Variants in FMN1 observed in about 807,000 individuals in gnomAD.
The protein encoded by FMN1 is formin 1.
A neutral mutation model predicts 132.4 loss-of-function variants in FMN1; 110 were observed. That is an observed-to-expected ratio of 0.83 (90% CI 0.71 to 0.97). The LOEUF (loss-of-function observed/expected upper bound fraction) is 0.97. Ranked by LOEUF, FMN1 falls within the 50% of genes least tolerant of loss-of-function variation. The pLI is 0.00. For synonymous variants in FMN1, 722 were observed against 651.7 expected (o/e 1.11, Z -1.64); for missense variants, 1,792 against 1,705.3 (o/e 1.05, Z -0.90).
At chr15:32,855,838 A>G (rs2059118297) in intron 17 of FMN1, among the ~76,000 whole-genome samples, 1 of 152,228 alleles carries the variant, frequency 6.6e-6, no homozygotes, top group Non-Finnish European at 1.5e-5. Context: ...TTATACAGCA[A>G]TGCATTTTTT....
intron 5 of FMN1, among the ~76,000 whole-genome samples, chr15:33,074,386 C>T (rs1205063718): frequency 6.6e-6 from 1 of 152,224 alleles, no homozygotes; most frequent in Non-Finnish European, 1.5e-5. Flanking sequence ...CAATGCAACG[C>T]TTACAACAGC....
chr15:32,853,302 C>T (rs1274608869), intron 17 of FMN1, among the ~76,000 whole-genome samples: 1 of 152,100 alleles, frequency 6.6e-6, no homozygotes, highest in African/African-American at 2.4e-5. Context: ...AATTATAGTA[C>T]CACATTACAC....
At chr15:32,839,043 T>C (rs944169156) in intron 17 of FMN1, among the ~76,000 whole-genome samples, 3 of 152,028 alleles carry the variant, frequency 2.0e-5, no homozygotes, top group Admixed American at 6.6e-5. Context: ...AACAGTTCAT[T>C]TCCCTTGAAA....
chr15:32,863,531 G>A (rs1403033572), intron 16 of FMN1, among the ~76,000 whole-genome samples: 2 of 152,078 alleles, frequency 1.3e-5, no homozygotes, highest in African/African-American at 4.8e-5. Context: ...TCAGATATTG[G>A]GGTTCCATCA....
At chr15:33,031,968 G>T (rs1266715403) in intron 6 of FMN1, among the ~76,000 whole-genome samples, 1 of 114,662 alleles carries the variant, frequency 8.7e-6, no homozygotes, top group Non-Finnish European at 2.0e-5. Context: ...ACCCGATGTT[G>T]TCTAAAAATC....
intron 7 of FMN1, among the ~76,000 whole-genome samples, chr15:32,997,764 G>A (rs2033860954): frequency 6.6e-6 from 1 of 152,036 alleles, no homozygotes; most frequent in Non-Finnish European, 1.5e-5. Context: ...TACACTAAGA[G>A]CTCATCTTTC....
At chr15:33,071,277 C>A (rs1215401887) in intron 5 of FMN1, among the ~76,000 whole-genome samples, 1 of 152,168 alleles carries the variant, frequency 6.6e-6, no homozygotes, top group African/African-American at 2.4e-5. Flanking sequence ...AAAGAAAAAT[C>A]AAGCAAAAAT....
At chr15:33,071,689 T>C (rs949224013) in intron 5 of FMN1, among the ~76,000 whole-genome samples, 6 of 151,934 alleles carry the variant, frequency 3.9e-5, no homozygotes, top group Non-Finnish European at 5.9e-5. Flanking sequence ...GGAGCACGAG[T>C]AAGATTCAAA....
chr15:32,909,152 C>A (rs2060498487), intron 11 of FMN1, among the ~76,000 whole-genome samples: 1 of 152,198 alleles, frequency 6.6e-6, no homozygotes, highest in South Asian at 2.1e-4. Flanking sequence ...AAGCGGCAAC[C>A]ATGTGCTTAG....
At chr15:33,157,900 G>A (rs1310374589) in intron 3 of FMN1, among the ~76,000 whole-genome samples, 1 of 151,620 alleles carries the variant, frequency 6.6e-6, no homozygotes, top group African/African-American at 2.4e-5. Context: ...TGAGGCAAGG[G>A]GATTGCCTGG....
intron 5 of FMN1, among the ~76,000 whole-genome samples, chr15:33,078,470 G>A (rs969155124): frequency 1.3e-5 from 2 of 152,156 alleles, no homozygotes; most frequent in Admixed American, 6.5e-5. Context: ...ATATTCTGAA[G>A]AAATGCTGTA....
chr15:32,926,340 A>T (rs1412662854), intron 9 of FMN1, 79 bp from the exon 10 acceptor site: 2 of 747,320 alleles, frequency 2.7e-6, no homozygotes, highest in Non-Finnish European at 4.3e-6. Context: ...AAAAACATTA[A>T]ATTTTTTTAG....
intron 17 of FMN1, among the ~76,000 whole-genome samples, chr15:32,844,736 T>G (rs1217353981): frequency 1.3e-5 from 2 of 152,240 alleles, no homozygotes; most frequent in Non-Finnish European, 2.9e-5. Context: ...TATTTGCCAC[T>G]TGAACTTGGA....
chr15:32,854,683 C>T (rs979235178), intron 17 of FMN1, among the ~76,000 whole-genome samples: 15 of 152,146 alleles, frequency 9.9e-5, no homozygotes, highest in African/African-American at 1.7e-4. Context: ...GAGGCCGAGG[C>T]GGGTGGATCG....
intron 4 of FMN1, among the ~76,000 whole-genome samples, chr15:33,107,213 A>G (rs1486733567): frequency 6.6e-6 from 1 of 151,876 alleles, no homozygotes; most frequent in Non-Finnish European, 1.5e-5. Context: ...ACAGTATCCC[A>G]AATCTGATCA....
At chr15:32,960,995 CAAAAAAAAAAAA>C (rs539245532) in intron 9 of FMN1, among the ~76,000 whole-genome samples, 2 of 59,092 alleles carry the variant, frequency 3.4e-5, no homozygotes, top group Non-Finnish European at 5.4e-5. Context: ...GACTCCGTCT[CAAAAAAAAAAAA>C]AAAAAAAAAA....
chr15:32,979,417 G>A (rs144434314), intron 7 of FMN1, among the ~76,000 whole-genome samples: 2,033 of 152,050 alleles, frequency 0.013, 20 homozygotes, highest in Non-Finnish European at 0.023. Context: ...TTAGCCGGGC[G>A]TGGTGGTGGG....
At chr15:32,953,386 C>T (rs961275921) in intron 9 of FMN1, among the ~76,000 whole-genome samples, 1 of 152,194 alleles carries the variant, frequency 6.6e-6, no homozygotes, top group African/African-American at 2.4e-5. Flanking sequence ...TGGGCTGAGG[C>T]ATAACTCAGA....
intron 9 of FMN1, among the ~76,000 whole-genome samples, chr15:32,930,131 A>AGGT (rs1359916911): frequency 1.3e-5 from 2 of 151,746 alleles, no homozygotes; most frequent in African/African-American, 4.8e-5. Context: ...CTGGGATTAC[A>AGGT]GGTGCCTGCC....
Sources: allele counts gnomAD v4.1 joint callset (sites outside exome capture counted in the v4.1 genomes callset), GRCh38; gene constraint gnomAD v4.1.1; transcripts MANE v1.5; gene names NCBI Gene and HGNC (gene_info 2026-07-23, HGNC 2026-07-21).